The following CCNI variants were observed in gnomAD, a reference collection of about 807,000 sequenced individuals.
The protein encoded by CCNI is cyclin I, also known as cyclin-I.
A neutral mutation model predicts 34.1 loss-of-function variants in CCNI; 14 were observed. The observed-to-expected ratio is 0.41, with a 90% CI of 0.27 to 0.64. CCNI has a LOEUF of 0.64. CCNI is among the 30% of genes least tolerant of loss of function. The pLI, the probability that CCNI is intolerant of heterozygous loss-of-function variation, is 0.31. For synonymous variants in CCNI, 154 were observed against 158.4 expected (o/e 0.97, Z 0.21); for missense variants, 385 against 440.5 (o/e 0.87, Z 1.13).
chr4:77,055,343 AG>A lies in CCNI; in HGVS notation c.496del (p.Leu166PhefsTer7). 6.2e-7 allele frequency: 1 copy of A among 1,614,226 alleles called. No individual in the cohort carries two copies. The highest frequency in any genetic ancestry group is 8.5e-7 in the Non-Finnish European group (1 of 1,180,010). On this transcript the variant is annotated frameshift_variant, in exon 6 of 7. Coordinates refer to ENST00000237654, the MANE Select transcript of CCNI (RefSeq NM_006835.3). LOFTEE classifies it high-confidence loss of function. Reference sequence around the variant, plus strand: ...TGGGCTCAATTTGGGCAAACTGAAAAGTAACTGAGGCCTAGTTGACACTGCA... The same window carrying A: ...TGGGCTCAATTTGGGCAAACTGAAAATAACTGAGGCCTAGTTGACACTGCA... Reference protein sequence around the residue: ...AIAVSTRPQLLFSLPKLSPSQ... With the variant: ...AIAVSTRPQLXFSLPKLSPSQ...
intron 3 of CCNI, chr4:77,056,560 G>C (rs1728246457): frequency 8.9e-6 from 4 of 447,088 alleles, no homozygotes; most frequent in Admixed American, 3.5e-5. Flanking sequence ...AAGTACACTT[G>C]CAAGATCAAG....
intron 5 of CCNI, 42 bp from the exon 6 acceptor site, chr4:77,055,422 C>A: frequency 7.8e-7 from 1 of 1,277,276 alleles, no homozygotes; most frequent in Non-Finnish European, 1.1e-6. Flanking sequence ...ATTTAAATAT[C>A]TGGGAAATTA....
intron 1 of CCNI, among the ~76,000 whole-genome samples, chr4:77,072,798 A>C (rs904048443): frequency 6.6e-6 from 1 of 152,148 alleles, no homozygotes; most frequent in Admixed American, 6.5e-5. Flanking sequence ...TCAAATGCTA[A>C]ATTTACCAAA....
intron 3 of CCNI, among the ~76,000 whole-genome samples, chr4:77,057,306 T>C (rs1287586765): frequency 6.6e-6 from 1 of 152,224 alleles, no homozygotes; most frequent in Non-Finnish European, 1.5e-5. Flanking sequence ...CATGAGTTTC[T>C]TGCTGTGTTT....
At chr4:77,058,675 A>G (rs540771850) in intron 2 of CCNI, 40 bp from the exon 3 acceptor site, 8 of 1,582,882 alleles carry the variant, frequency 5.1e-6, no homozygotes, top group Non-Finnish European at 6.0e-6. Flanking sequence ...ACAAAGTTTG[A>G]GCTATCATCA....
At chr4:77,048,768 C>G in intron 6 of CCNI, 106 bp from the exon 7 acceptor site, 1 of 725,022 alleles carries the variant, frequency 1.4e-6, no homozygotes, top group South Asian at 3.2e-5. Flanking sequence ...TCCGTCCCCG[C>G]TGAGTCTTTT....
Position 77,055,359 on chromosome 4 carries a change from T to C in CCNI, c.481A>G (p.Thr161Ala), listed in dbSNP as rs1418019804. The change falls in exon 6 of 7, where the codon ACT becomes GCT. Residue 161 changes from threonine (T) to alanine (A), a missense_variant. This residue lies in a region of CCNI where 135 missense variants were observed against 191.8 expected (regional missense o/e 0.70). Coordinates refer to ENST00000237654, the MANE Select transcript of CCNI (RefSeq NM_006835.3). Reference sequence around the variant, plus strand: ...AAACTGAAAAGTAACTGAGGCCTAGTTGACACTGCAATGGCATGGAACTGA... The same window carrying C: ...AAACTGAAAAGTAACTGAGGCCTAGCTGACACTGCAATGGCATGGAACTGA... ...LHIFHAIAVS[T>A]RPQLLFSLPK... The C allele has an allele frequency of 1.2e-5, 20 of 1,613,384 alleles. No individual in the cohort carries two copies. The highest frequency in any genetic ancestry group is 3.3e-5 in the Admixed American group (2 of 60,006).
At chr4:77,067,169 T>A (rs1320225240) in intron 1 of CCNI, among the ~76,000 whole-genome samples, 1 of 151,766 alleles carries the variant, frequency 6.6e-6, no homozygotes, top group Non-Finnish European at 1.5e-5. Context: ...GAGGCAGAGG[T>A]TGCAGTGAGC....
intron 1 of CCNI, among the ~76,000 whole-genome samples, chr4:77,069,010 GA>G (rs1729257046): frequency 6.6e-6 from 1 of 152,088 alleles, no homozygotes. Context: ...AAATAGAGAG[GA>G]AAAAGAACTA....
In CCNI at chr4:77,075,603, C is replaced by T; in HGVS notation, c.-175G>A. The T allele has an allele frequency of 1.0e-6, 1 of 985,982 alleles. No individual in the cohort carries two copies. The highest frequency in any genetic ancestry group is 1.2e-6 in the Non-Finnish European group (1 of 828,518). 61.1% of individuals were successfully genotyped at this position (985,982 alleles called of 1,614,324 possible). On this transcript the variant is annotated 5_prime_UTR_variant, in exon 1 of 7. Transcript: ENST00000237654. ...CGCGGAGGCGGTGCGCGCGGGACGA[C>T]TCGGCCAACTGAGGAGGGAGAAAGG...
At chr4:77,049,889 C>T (rs902685213) in intron 6 of CCNI, among the ~76,000 whole-genome samples, 3 of 152,130 alleles carry the variant, frequency 2.0e-5, no homozygotes, top group Non-Finnish European at 2.9e-5. Flanking sequence ...AAGTGTCTCT[C>T]TTCCTCACTT....
chr4:77,052,412 G>A (rs1727920837), intron 6 of CCNI, among the ~76,000 whole-genome samples: 1 of 152,196 alleles, frequency 6.6e-6, no homozygotes, highest in African/African-American at 2.4e-5. Flanking sequence ...AACAGCCTGA[G>A]TTTATAAGGC....
intron 3 of CCNI, among the ~76,000 whole-genome samples, chr4:77,058,089 T>C (rs2109808773): frequency 6.6e-6 from 1 of 152,332 alleles, no homozygotes; most frequent in Non-Finnish European, 1.5e-5. Flanking sequence ...GAGTGGTGGC[T>C]CATGCCTGTA....
intron 2 of CCNI, among the ~76,000 whole-genome samples, chr4:77,062,097 T>C (rs189713759): frequency 1.4e-3 from 206 of 150,530 alleles, no homozygotes; most frequent in Non-Finnish European, 2.4e-3. Context: ...TTTGTTCATA[T>C]TGCTCCTACT....
chr4:77,059,358 C>T (rs1323157480), intron 2 of CCNI, among the ~76,000 whole-genome samples: 1 of 150,150 alleles, frequency 6.7e-6, no homozygotes, highest in Non-Finnish European at 1.5e-5. Flanking sequence ...AAAATAAAAC[C>T]GGTTGTTTAT....
intron 6 of CCNI, among the ~76,000 whole-genome samples, chr4:77,052,023 T>C (rs1164222797): frequency 1.3e-5 from 2 of 151,750 alleles, no homozygotes; most frequent in Non-Finnish European, 2.9e-5. Flanking sequence ...TAACTAGATA[T>C]ATATTGCATG....
chr4:77,048,967 T>C (rs1187336297), intron 6 of CCNI, among the ~76,000 whole-genome samples: 1 of 120,478 alleles, frequency 8.3e-6, no homozygotes, highest in East Asian at 2.4e-4. Context: ...CGTCTGTTTT[T>C]TTTTTTTTTT....
At chr4:77,070,381 A>G (rs757157736) in intron 1 of CCNI, among the ~76,000 whole-genome samples, 28 of 151,620 alleles carry the variant, frequency 1.8e-4, no homozygotes, top group Non-Finnish European at 3.1e-4. Flanking sequence ...TTTACGGTCA[A>G]CAAAAACTCT....
At chr4:77,065,209 T>C (rs1373305648) in intron 2 of CCNI, 1 of 152,208 alleles carries the variant, frequency 6.6e-6, no homozygotes, top group Non-Finnish European at 1.5e-5. Context: ...AAAAGGCATA[T>C]ATACTTTCAA....
Sources: allele counts gnomAD v4.1 joint callset (sites outside exome capture counted in the v4.1 genomes callset), GRCh38; gene constraint gnomAD v4.1.1; regional missense constraint gnomAD v4.1.1; transcripts MANE v1.5; gene names NCBI Gene and HGNC (gene_info 2026-07-23, HGNC 2026-07-21).